Variants in CPS1 observed in about 807,000 individuals in gnomAD.
CPS1 encodes the protein carbamoyl-phosphate synthase 1, also known as carbamoyl-phosphate synthase [ammonia], mitochondrial.
CPS1 carries 109 observed loss-of-function variants against 174.6 expected under a neutral mutation model. The observed-to-expected ratio is 0.62, with a 90% CI of 0.53 to 0.73. The LOEUF (loss-of-function observed/expected upper bound fraction) is 0.73, where lower values mean the gene tolerates loss of function less well. Ranked by LOEUF, CPS1 falls within the 30% of genes least tolerant of loss-of-function variation. CPS1 has a pLI of 0.00. For synonymous variants in CPS1, 637 were observed against 632.0 expected, an observed-to-expected ratio of 1.01 and a Z score of -0.12; for missense variants, 1,689 against 1,821.9, an observed-to-expected ratio of 0.93 and a Z score of 1.33.
chr2:210,554,233 A>ATG (rs1229760720), upstream of CPS1, among the ~76,000 whole-genome samples: 6 of 145,170 alleles, frequency 4.1e-5, no homozygotes, highest in Non-Finnish European at 6.0e-5. Context: ...ACATATATAT[A>ATG]TGTATGTATA....
At chr2:210,545,309 G>A (rs906554730) in intron 1 of CPS1, among the ~76,000 whole-genome samples, 1 of 152,112 alleles carries the variant, frequency 6.6e-6, no homozygotes, top group South Asian at 2.1e-4. Context: ...ACGGTGGTGA[G>A]CTGAGCAATT....
intron 21 of CPS1, among the ~76,000 whole-genome samples, chr2:210,626,812 G>A (rs1699712038): frequency 6.6e-6 from 1 of 152,100 alleles, no homozygotes; most frequent in Non-Finnish European, 1.5e-5. Flanking sequence ...GAAGGTTAAG[G>A]CAAAAATAAA....
chr2:210,674,965 T>C lies in CPS1; in HGVS notation c.4161+4T>C, dbSNP rs780395052. The C allele has an allele frequency of 6.2e-7, 1 of 1,606,582 alleles. No homozygotes were observed. The highest frequency in any genetic ancestry group is 8.5e-7 in the Non-Finnish European group (1 of 1,173,114). ...ATTACACAATGAAGGTTTCAAGGTATGTTCATTAGTTTTAAGTTGTTTTCT... is the reference window on the plus strand; with the variant it reads ...ATTACACAATGAAGGTTTCAAGGTACGTTCATTAGTTTTAAGTTGTTTTCT... On this transcript the variant is annotated splice_donor_region_variant and intron_variant, in intron 35 of 37. Coordinates refer to ENST00000233072, the MANE Select transcript of CPS1 (RefSeq NM_001875.5).
At chr2:210,622,114 T>C (rs1037067439) in intron 21 of CPS1, among the ~76,000 whole-genome samples, 1 of 151,572 alleles carries the variant, frequency 6.6e-6, no homozygotes, top group South Asian at 2.1e-4. Flanking sequence ...TATTCTTATA[T>C]ACTTTTTACT....
chr2:210,562,475 A>G (rs182162380), intron 1 of CPS1, among the ~76,000 whole-genome samples: 1 of 152,332 alleles, frequency 6.6e-6, no homozygotes, highest in East Asian at 1.9e-4. Context: ...AATTTCAAAA[A>G]TCCATATCTT....
chr2:210,620,133 A>G (rs1437201999), intron 21 of CPS1, among the ~76,000 whole-genome samples: 2 of 152,142 alleles, frequency 1.3e-5, no homozygotes, highest in Admixed American at 6.5e-5. Flanking sequence ...TTGAAATGTA[A>G]ACAATAAATG....
chr2:210,565,035 A>C (rs191376614), intron 1 of CPS1, among the ~76,000 whole-genome samples: 86 of 150,734 alleles, frequency 5.7e-4, no homozygotes, highest in African/African-American at 1.9e-3. Flanking sequence ...AATAAATAAA[A>C]AATAAAAGTA....
chr2:210,661,500 AT>A (rs756207999), intron 32 of CPS1, among the ~76,000 whole-genome samples: 1 of 152,220 alleles, frequency 6.6e-6, no homozygotes, highest in Non-Finnish European at 1.5e-5. Flanking sequence ...GACTTCAACC[AT>A]AATTGTGTTA....
intron 1 of CPS1, among the ~76,000 whole-genome samples, chr2:210,550,030 AGCT>A (rs1696685411): frequency 6.6e-6 from 1 of 152,100 alleles, no homozygotes; most frequent in South Asian, 2.1e-4. Context: ...AGGTAAGTCC[AGCT>A]GAATCAGTTA....
chr2:210,577,077 T>C, intron 3 of CPS1: 1 of 299,908 alleles, frequency 3.3e-6, no homozygotes, highest in East Asian at 8.2e-5. Context: ...CAATTTTTTC[T>C]CTGCTTTAAG....
At chr2:210,661,153 C>T (rs7599172) in intron 32 of CPS1, among the ~76,000 whole-genome samples, 3,401 of 152,142 alleles carry the variant, frequency 0.022, 129 homozygotes, top group African/African-American at 0.077. Context: ...TGGTGCTGTG[C>T]GGTTGTTGAA....
At chr2:210,571,624 G>T (rs1697491539) in intron 1 of CPS1, among the ~76,000 whole-genome samples, 1 of 151,850 alleles carries the variant, frequency 6.6e-6, no homozygotes, top group African/African-American at 2.4e-5. Flanking sequence ...TGGTTTAAAG[G>T]TAATCAAGAC....
chr2:210,539,043 T>C (rs1250403197), intron 1 of CPS1, among the ~76,000 whole-genome samples: 1 of 152,208 alleles, frequency 6.6e-6, no homozygotes, highest in East Asian at 1.9e-4. Context: ...TATAAATTGC[T>C]TTCCGCACTC....
chr2:210,569,440 A>T (rs1241644235), intron 1 of CPS1, among the ~76,000 whole-genome samples: 1 of 152,058 alleles, frequency 6.6e-6, no homozygotes, highest in African/African-American at 2.4e-5. Context: ...ACATCAGTGG[A>T]AAAGAAAGGG....
chr2:210,667,972 G>T (rs1209902586), intron 33 of CPS1, among the ~76,000 whole-genome samples: 1 of 151,992 alleles, frequency 6.6e-6, no homozygotes, highest in Non-Finnish European at 1.5e-5. Context: ...CATCTGCCCT[G>T]GCCAGCCTTT....
At chr2:210,642,458 T>G (rs759771286) in intron 24 of CPS1, 26 bp from the exon 25 acceptor site, 2 of 1,613,214 alleles carry the variant, frequency 1.2e-6, no homozygotes, top group South Asian at 2.2e-5. Flanking sequence ...CTCTTATCCC[T>G]TTTGCCAATC....
rs756314731 is a variant in CPS1 at position 210,602,362 on chromosome 2, A to G, written c.1836+32A>G. 3.1e-6 allele frequency: 5 copies of G among 1,611,928 alleles called. No individual in the cohort carries two copies. In the East Asian group the frequency reaches 8.9e-5, roughly 29 times the overall value. Reference sequence around the variant, plus strand: ...ATTTTTGTAGACAATATTCTTACCAACCAAAAAAACTGGCTTGATAGACCT... The same window carrying G: ...ATTTTTGTAGACAATATTCTTACCAGCCAAAAAAACTGGCTTGATAGACCT... On this transcript the variant is annotated intron_variant, in intron 16 of 37. Transcript: ENST00000233072.
chr2:210,600,686 A>G lies in CPS1; in HGVS notation c.1681A>G (p.Ile561Val), dbSNP rs1266443933. ...SDKLNEINEK[I>V]APSFAVESIE... The stretch of plus-strand genomic sequence containing the variant: ...TAAACTAAATGAGATCAATGAAAAG[A>G]TTGCTCCAAGTTTTGCAGTGGAATC... Residue 561 changes from isoleucine (I) to valine (V), a missense_variant, in exon 15 of 38, where the codon ATT (isoleucine) becomes GTT (valine). Physicochemically the swap from Ile to Val is conservative, Grantham distance 29. Coordinates refer to ENST00000233072, the MANE Select transcript of CPS1 (RefSeq NM_001875.5). The G allele has an allele frequency of 5.0e-6, 8 of 1,612,090 alleles. No homozygotes were observed. Among genetic ancestry groups the G allele is most frequent in the Middle Eastern group, 3.3e-4 (2 of 6,044 alleles).
chr2:210,594,480 CTAACTAGTTGGTTG>C lies in CPS1; in HGVS notation c.1165-25_1165-12del. ...GGTGAACTTAGGAATTTTGAAGCTT[CTAACTAGTTGGTTG>C]TATTTTTTTCTAGTACCTGTTTGAT... On this transcript the variant is annotated splice_polypyrimidine_tract_variant and intron_variant, in intron 11 of 37. Coordinates refer to ENST00000233072, the MANE Select transcript of CPS1 (RefSeq NM_001875.5). 2 of 1,506,536 alleles carry C rather than the reference CTAACTAGTTGGTTG, an allele frequency of 1.3e-6. No individual in the cohort carries two copies. The highest frequency in any genetic ancestry group is 1.8e-6 in the Non-Finnish European group (2 of 1,084,670). 93.3% of individuals were successfully genotyped at this position (1,506,536 alleles called of 1,614,324 possible). A position where few individuals can be genotyped will look rare whatever the true frequency, so the allele number is the denominator to read the frequency against.
Sources: allele counts gnomAD v4.1 joint callset (sites outside exome capture counted in the v4.1 genomes callset), GRCh38; gene constraint gnomAD v4.1.1; transcripts MANE v1.5; gene names NCBI Gene and HGNC (gene_info 2026-07-23, HGNC 2026-07-21).